Variants in ABCB4 observed in about 807,000 individuals in gnomAD.
ABCB4 encodes phosphatidylcholine translocator ABCB4.
Under a neutral mutation model 145.7 loss-of-function variants are expected in ABCB4, and 76 were observed. That is an observed-to-expected ratio of 0.52 (90% confidence interval 0.43 to 0.63). The LOEUF (loss-of-function observed/expected upper bound fraction) is 0.63. Among genes scored for constraint, ABCB4 ranks in the 30% least tolerant of loss-of-function variants. The pLI is 0.00. For missense variants in ABCB4, 1,234 were observed against 1,553.1 expected (o/e 0.79, Z 3.45); for synonymous variants, 517 against 566.8 (o/e 0.91, Z 1.25).
intron 9 of ABCB4, 55 bp from the exon 10 acceptor site, chr7:87,445,030 T>A (rs1305323143): frequency 1.9e-5 from 22 of 1,165,318 alleles, no homozygotes; most frequent in Non-Finnish European, 2.6e-5. Flanking sequence ...TTCATTATTA[T>A]CTAAAATGTG....
the ABCB4 span, among the ~76,000 whole-genome samples, chr7:87,372,099 CA>C: frequency 6.7e-6 from 1 of 150,236 alleles, no homozygotes; most frequent in Non-Finnish European, 1.5e-5. Context: ...TCCCTCATTA[CA>C]AGTGAGGTTG....
At chr7:87,459,626 G>A (rs1300734196) in intron 4 of ABCB4, among the ~76,000 whole-genome samples, 3 of 151,820 alleles carry the variant, frequency 2.0e-5, no homozygotes, top group Non-Finnish European at 2.9e-5. Flanking sequence ...TGGTAAAGGT[G>A]TATACGTCAA....
rs1005331108 is a variant in ABCB4 at position 87,422,193 on chromosome 7, C to T, written c.2244G>A (p.Gln748=). 29 of 1,613,552 alleles carry T rather than the reference C, an allele frequency of 1.8e-5. No individual in the cohort carries two copies. The highest frequency in any genetic ancestry group is 2.2e-5 in the Non-Finnish European group (26 of 1,179,702). The part of the protein sequence containing the change: ...IFGPGDDAVK[Q]QKCNIFSLIF... ...TCAAAGAGAATATGTTGCACTTCTG[C>T]TGCTTCACTGCATCATCGCCTGGTC... The change falls in exon 18 of 28, where the codon CAG becomes CAA. Residue 748 remains glutamine (Q), a synonymous_variant. Coordinates refer to ENST00000649586, the MANE Select transcript of ABCB4 (RefSeq NM_000443.4).
chr7:87,428,140 A>G (rs191283689), intron 15 of ABCB4, among the ~76,000 whole-genome samples: 1 of 152,326 alleles, frequency 6.6e-6, no homozygotes, highest in Non-Finnish European at 1.5e-5. Context: ...CATGCTATCA[A>G]GAGGTCCATC....
At chr7:87,449,733 A>G (rs910202236) in intron 8 of ABCB4, among the ~76,000 whole-genome samples, 1 of 152,138 alleles carries the variant, frequency 6.6e-6, no homozygotes, top group Non-Finnish European at 1.5e-5. Flanking sequence ...GCATTTAAAA[A>G]CAAGGGAGTC....
chr7:87,432,455 C>G (rs796885608), intron 14 of ABCB4, among the ~76,000 whole-genome samples: 2 of 152,014 alleles, frequency 1.3e-5, no homozygotes, highest in South Asian at 4.2e-4. Flanking sequence ...TCATAATAGG[C>G]AAAAAGTGGA....
intron 8 of ABCB4, among the ~76,000 whole-genome samples, chr7:87,447,942 C>G (rs1811455786): frequency 6.6e-6 from 1 of 152,128 alleles, no homozygotes; most frequent in Non-Finnish European, 1.5e-5. Context: ...AGTTAGCAAG[C>G]CTGATCATTT....
chr7:87,448,973 AT>A (rs1251897059), intron 8 of ABCB4, among the ~76,000 whole-genome samples: 1 of 152,210 alleles, frequency 6.6e-6, no homozygotes, highest in African/African-American at 2.4e-5. Context: ...TGTTATTTAA[AT>A]AAAACCCTAA....
intron 4 of ABCB4, among the ~76,000 whole-genome samples, chr7:87,457,194 G>A (rs772557146): frequency 3.1e-4 from 47 of 152,122 alleles, no homozygotes; most frequent in Non-Finnish European, 4.1e-4. Context: ...TGAGGCGGGA[G>A]GATCACTTGA....
At chr7:87,400,668 C>T (rs6465112), downstream of ABCB4, among the ~76,000 whole-genome samples, 108,095 of 152,128 alleles carry the variant, frequency 0.71, 40,074 homozygotes, top group Middle Eastern at 0.83. Flanking sequence ...ATTTGAACAC[C>T]AGAAATGCTC....
At chr7:87,435,655 A>G (rs1420747452) in intron 14 of ABCB4, among the ~76,000 whole-genome samples, 1 of 152,244 alleles carries the variant, frequency 6.6e-6, no homozygotes, top group Non-Finnish European at 1.5e-5. Context: ...ATTCCAGCCC[A>G]GGTGACCCTG....
chr7:87,447,060 C>A lies in ABCB4; in HGVS notation c.979G>T (p.Glu327Ter). ...WYGSTLVISK[E>*]YTIGNAMTVF... is the part of the protein sequence containing the mutation. ...GTCATTGCATTTCCAATAGTATATT[C>A]TTTTGATATGACTAGAGTGGATCCA... The change falls in exon 9 of 28, where the codon GAA becomes TAA. Residue 327 changes from glutamate to a stop codon, truncating the protein, a stop_gained. Transcript: ENST00000649586. LOFTEE classifies it high-confidence loss of function. 1.2e-6 allele frequency: 2 copies of A among 1,613,612 alleles called. No individual in the cohort carries two copies. Among genetic ancestry groups the A allele is most frequent in the East Asian group, 2.2e-5 (1 of 44,840 alleles).
chr7:87,380,299 T>C, the ABCB4 span, among the ~76,000 whole-genome samples: 4 of 152,410 alleles, frequency 2.6e-5, no homozygotes, highest in African/African-American at 9.6e-5. Context: ...TTGTAGGCTT[T>C]ATTGTAAGGC....
chr7:87,457,721 A>C (rs1380143539), intron 4 of ABCB4, among the ~76,000 whole-genome samples: 1 of 152,234 alleles, frequency 6.6e-6, no homozygotes, highest in Admixed American at 6.5e-5. Context: ...GAGAACAGTA[A>C]GGATTATAGA....
At chr7:87,448,745 G>A (rs1362727063) in intron 8 of ABCB4, 2 of 152,232 alleles carry the variant, frequency 1.3e-5, no homozygotes, top group Non-Finnish European at 2.9e-5. Context: ...GAGAAAAAAG[G>A]AAGAGGTTAG....
At chr7:87,381,531 T>A in the ABCB4 span, among the ~76,000 whole-genome samples, 166 of 152,312 alleles carry the variant, frequency 1.1e-3, 2 homozygotes, top group East Asian at 0.025. Flanking sequence ...GCCATCCCCA[T>A]CTGCTTTTCC....
intron 3 of ABCB4, among the ~76,000 whole-genome samples, chr7:87,464,561 T>C (rs1409000760): frequency 6.6e-6 from 1 of 152,226 alleles, no homozygotes; most frequent in Non-Finnish European, 1.5e-5. Context: ...ATTAATTGAA[T>C]ACAATTTTAC....
chr7:87,426,279 T>A (rs1331359292), intron 16 of ABCB4, among the ~76,000 whole-genome samples: 1 of 152,200 alleles, frequency 6.6e-6, no homozygotes, highest in African/African-American at 2.4e-5. Context: ...CTATGGGGAC[T>A]GTGGAGCTAC....
chr7:87,403,464 C>T, intron 26 of ABCB4, 183 bp from the exon 27 acceptor site: 1 of 601,178 alleles, frequency 1.7e-6, no homozygotes, highest in African/African-American at 1.9e-5. Flanking sequence ...TGGTATTCTA[C>T]AATAGGCTAT....
Sources: allele counts gnomAD v4.1 joint callset (sites outside exome capture counted in the v4.1 genomes callset), GRCh38; gene constraint gnomAD v4.1.1; transcripts MANE v1.5; gene names NCBI Gene and HGNC (gene_info 2026-07-23, HGNC 2026-07-21).